The following KANTR variants were observed in gnomAD, a reference collection of about 807,000 sequenced individuals.
The protein encoded by KANTR is KANTR integral membrane protein, also known as KDM5C adjacent transcript.
chrX:53,141,031 C>T (rs976946292), intron 2 of KANTR, among the ~76,000 whole-genome samples: 2 of 111,396 alleles, frequency 1.8e-5, no homozygotes, highest in Admixed American at 1.9e-4. Flanking sequence ...TGTGGTAGTG[C>T]ATGCCTATAA....
intron 2 of KANTR, among the ~76,000 whole-genome samples, chrX:53,134,408 T>C (rs1933396166): frequency 9.2e-6 from 1 of 108,879 alleles, no homozygotes; most frequent in Non-Finnish European, 1.9e-5. Flanking sequence ...AATGAGAACA[T>C]AAAGGTCAAG....
intron 1 of KANTR, among the ~76,000 whole-genome samples, chrX:53,096,084 C>T (rs906522452): frequency 1.8e-5 from 2 of 111,212 alleles, no homozygotes; most frequent in African/African-American, 6.6e-5. Context: ...GTCACTTTCT[C>T]AGAGGGCCCC....
intron 2 of KANTR, among the ~76,000 whole-genome samples, chrX:53,117,293 C>CA (rs1268197379): frequency 2.7e-5 from 3 of 110,523 alleles, no homozygotes; most frequent in Admixed American, 9.7e-5. Flanking sequence ...AACAAACAAA[C>CA]AAAAAAACAA....
At chrX:53,134,874 G>A (rs962490752) in intron 2 of KANTR, among the ~76,000 whole-genome samples, 4 of 111,742 alleles carry the variant, frequency 3.6e-5, no homozygotes, top group Admixed American at 9.5e-5. Context: ...AATACTGAGC[G>A]TGATCAAGAA....
intron 2 of KANTR, among the ~76,000 whole-genome samples, chrX:53,132,676 A>G (rs1184789762): frequency 1.8e-5 from 2 of 111,389 alleles, no homozygotes; most frequent in African/African-American, 6.5e-5. Flanking sequence ...CTCCAAAGAA[A>G]TTCTCATACA....
downstream of KANTR, among the ~76,000 whole-genome samples, chrX:53,146,579 A>G: frequency 8.9e-6 from 1 of 112,217 alleles, no homozygotes; most frequent in Non-Finnish European, 1.9e-5. Context: ...GATATTATCC[A>G]GGAGAACTTC....
chrX:53,098,568 C>G (rs782211389), intron 1 of KANTR, among the ~76,000 whole-genome samples: 2 of 112,055 alleles, frequency 1.8e-5, no homozygotes, highest in Admixed American at 1.9e-4. Flanking sequence ...AGTCAGTTCT[C>G]TCAAACCCTG....
intron 2 of KANTR, among the ~76,000 whole-genome samples, chrX:53,102,312 C>T (rs1556811994): frequency 8.9e-6 from 1 of 111,882 alleles, no homozygotes; most frequent in Non-Finnish European, 1.9e-5. Context: ...TTCAAGGATT[C>T]AGTTCAGGCT....
At chrX:53,135,348 G>C (rs782277378) in intron 2 of KANTR, among the ~76,000 whole-genome samples, 1 of 111,545 alleles carries the variant, frequency 9.0e-6, no homozygotes, top group African/African-American at 3.3e-5. Flanking sequence ...TATTGAGTCT[G>C]CTTGGATCAC....
intron 2 of KANTR, among the ~76,000 whole-genome samples, chrX:53,114,202 G>C (rs1679261415): frequency 9.0e-6 from 1 of 111,559 alleles, no homozygotes; most frequent in African/African-American, 3.3e-5. Context: ...ACCGCACCAG[G>C]TTAAAAAAAT....
At chrX:53,141,620 C>A (rs187279390) in intron 2 of KANTR, among the ~76,000 whole-genome samples, 15 of 109,604 alleles carry the variant, frequency 1.4e-4, no homozygotes, top group African/African-American at 5.0e-4. Flanking sequence ...GTCCCTCATT[C>A]TTTCTTGCTC....
rs1390963144 is a variant in KANTR, at chrX:53,118,289, C to T, written c.-804-5180C>T. On this transcript the variant is annotated intron_variant, in intron 2 of 2. Coordinates refer to ENST00000604062, the Ensembl canonical transcript of KANTR. Reference sequence around the variant, plus strand: ...AAATGTATGAGATCCCGTTGATCCACATCCTCATACACTTGATATTGTCCT... The same window carrying T: ...AAATGTATGAGATCCCGTTGATCCATATCCTCATACACTTGATATTGTCCT... Among the ~76,000 whole-genome samples, 8 of 112,200 alleles carry T rather than the reference C, an allele frequency of 7.1e-5. No individual in the cohort carries two copies. In the Admixed American group the frequency reaches 7.6e-4, roughly 11 times the overall value.
intron 2 of KANTR, chrX:53,141,805 GA>G (rs1556818502): frequency 9.8e-6 from 2 of 205,007 alleles, no homozygotes; most frequent in Non-Finnish European, 1.6e-5. Flanking sequence ...GAATTATGTA[GA>G]AAAAAACCTT....
chrX:53,101,071 G>A (rs1366587719), intron 2 of KANTR, among the ~76,000 whole-genome samples: 2 of 112,541 alleles, frequency 1.8e-5, no homozygotes. Context: ...AAATGTTGTG[G>A]CTGATTTGAT....
At chrX:53,122,078 A>G (rs889597350) in intron 2 of KANTR, among the ~76,000 whole-genome samples, 3 of 112,447 alleles carry the variant, frequency 2.7e-5, no homozygotes, top group Admixed American at 1.9e-4. Flanking sequence ...CACTTATATC[A>G]GTATGAACTC....
At chrX:53,104,576 C>T (rs1317009517) in intron 2 of KANTR, among the ~76,000 whole-genome samples, 1 of 110,999 alleles carries the variant, frequency 9.0e-6, no homozygotes, top group East Asian at 2.8e-4. Context: ...TTAGTATTCT[C>T]CCCAGTCCTA....
rs782435681 is a variant in KANTR at position 53,113,004 on chromosome X, AT to A, written c.-804-10464del. 31 of 146,399 alleles carry A rather than the reference AT, an allele frequency of 2.1e-4. No individual in the cohort carries two copies. In the South Asian group the frequency reaches 6.2e-3, roughly 29 times the overall value. 12.1% of individuals were successfully genotyped at this position (146,399 alleles called of 1,213,427 possible). On this transcript the variant is annotated intron_variant, in intron 2 of 2. Coordinates refer to ENST00000604062, the Ensembl canonical transcript of KANTR. ...TTCTGCTTGATCAGTTCTGAGTGGG[AT>A]ATCCCACTCAGGGGATATCAACAGA...
intron 2 of KANTR, among the ~76,000 whole-genome samples, chrX:53,100,678 A>T (rs72620320): frequency 9.2e-6 from 1 of 109,061 alleles, no homozygotes; most frequent in Non-Finnish European, 1.9e-5. Context: ...GGCACCTGTA[A>T]TCCCAGCTAC....
downstream of KANTR, among the ~76,000 whole-genome samples, chrX:53,129,044 G>A (rs1933325293): frequency 9.8e-6 from 1 of 102,010 alleles, no homozygotes; most frequent in Admixed American, 1.1e-4. Flanking sequence ...TGTCGTTTTT[G>A]GGATGATTTT....
Sources: gnomAD v4.1 joint callset for allele counts (sites outside exome capture counted in the v4.1 genomes callset) on GRCh38, gnomAD v4.1.1 for gene constraint, MANE v1.5 for transcripts, NCBI Gene and HGNC (gene_info 2026-07-23, HGNC 2026-07-21) for gene names.